The following CADM2 variants were observed in gnomAD, a reference collection of about 807,000 sequenced individuals.
CADM2 encodes immunoglobulin superfamily member 4D.
A neutral mutation model predicts 49.8 loss-of-function variants in CADM2; 12 were observed. That is an observed-to-expected ratio of 0.24 (90% CI 0.15 to 0.39). CADM2 has a LOEUF of 0.39. Among genes scored for constraint, CADM2 ranks in the 10% least tolerant of loss-of-function variants. The pLI is 1.00. For synonymous variants in CADM2, 214 were observed against 175.4 expected (o/e 1.22, Z -1.74); for missense variants, 378 against 492.3 (o/e 0.77, Z 2.20).
At chr3:85,052,436 G>C (rs566467149) in intron 1 of CADM2, among the ~76,000 whole-genome samples, 116 of 152,134 alleles carry the variant, frequency 7.6e-4, no homozygotes, top group South Asian at 6.4e-3. Context: ...CTGTTTGCTT[G>C]ACAAAATTAA....
intron 1 of CADM2, among the ~76,000 whole-genome samples, chr3:85,537,110 T>C (rs1483455112): frequency 1.3e-5 from 2 of 152,076 alleles, no homozygotes; most frequent in Non-Finnish European, 2.9e-5. Flanking sequence ...TCTTGAATCA[T>C]TATTTAACAC....
At chr3:85,948,792 G>A (rs563354130) in intron 7 of CADM2, among the ~76,000 whole-genome samples, 7 of 151,560 alleles carry the variant, frequency 4.6e-5, no homozygotes, top group East Asian at 1.9e-4. Context: ...GAACATTTAC[G>A]AAAACCTCCA....
chr3:85,085,931 GCA>G (rs1364115315), intron 1 of CADM2, among the ~76,000 whole-genome samples: 1 of 152,090 alleles, frequency 6.6e-6, no homozygotes, highest in African/African-American at 2.4e-5. Context: ...ATCAGGGTGA[GCA>G]CAGTGATTGC....
chr3:85,190,102 T>C (rs2041172707), intron 1 of CADM2, among the ~76,000 whole-genome samples: 1 of 151,990 alleles, frequency 6.6e-6, no homozygotes, highest in Non-Finnish European at 1.5e-5. Flanking sequence ...TGAAATCTGT[T>C]ATTTTGACAT....
At chr3:85,112,416 A>G (rs560446379) in intron 1 of CADM2, among the ~76,000 whole-genome samples, 1 of 151,610 alleles carries the variant, frequency 6.6e-6, no homozygotes, top group South Asian at 2.1e-4. Context: ...ACGTATAAGT[A>G]AACTTTATGA....
At chr3:85,998,462 G>A (rs1362605423) in intron 8 of CADM2, among the ~76,000 whole-genome samples, 5 of 151,968 alleles carry the variant, frequency 3.3e-5, no homozygotes, top group Non-Finnish European at 7.4e-5. Flanking sequence ...AAAAAGGAGA[G>A]GACAGCAAAA....
intron 1 of CADM2, among the ~76,000 whole-genome samples, chr3:85,609,434 T>G (rs2063620804): frequency 6.6e-6 from 1 of 152,110 alleles, no homozygotes; most frequent in South Asian, 2.1e-4. Context: ...CTTGGTGTTT[T>G]GGGGTAAATT....
chr3:85,944,428 G>C (rs1722374679), intron 7 of CADM2, among the ~76,000 whole-genome samples: 1 of 151,992 alleles, frequency 6.6e-6, no homozygotes, highest in Non-Finnish European at 1.5e-5. Flanking sequence ...AGACCTAATA[G>C]AAATCTACAG....
chr3:85,572,449 TAGAGACAGAG>T (rs1011328065), intron 1 of CADM2, among the ~76,000 whole-genome samples: 3 of 151,892 alleles, frequency 2.0e-5, no homozygotes, highest in African/African-American at 7.3e-5. Context: ...ATAAGATGAG[TAGAGACAGAG>T]AGAGACAGAG....
chr3:85,186,400 C>A (rs1217525168), intron 1 of CADM2, among the ~76,000 whole-genome samples: 1 of 152,094 alleles, frequency 6.6e-6, no homozygotes, highest in African/African-American at 2.4e-5. Flanking sequence ...ATGACACAAG[C>A]AGGCTTTTTC....
chr3:85,644,413 A>T (rs72913169), intron 1 of CADM2, among the ~76,000 whole-genome samples: 1 of 152,098 alleles, frequency 6.6e-6, no homozygotes, highest in Admixed American at 6.5e-5. Flanking sequence ...GCTTCAGCAT[A>T]TGAATAGTGG....
At chr3:85,057,062 T>A (rs766643380) in intron 1 of CADM2, among the ~76,000 whole-genome samples, 2 of 152,144 alleles carry the variant, frequency 1.3e-5, no homozygotes, top group Non-Finnish European at 2.9e-5. Context: ...ATCTCTCGAA[T>A]TCATTGTTGG....
At chr3:85,828,177 T>G (rs1360675196) in intron 3 of CADM2, 4 of 151,956 alleles carry the variant, frequency 2.6e-5, no homozygotes, top group African/African-American at 9.7e-5. Flanking sequence ...CCAAGCTTCT[T>G]GTAGGTTTGG....
At chr3:85,362,052 GC>G (rs1172670296) in intron 1 of CADM2, among the ~76,000 whole-genome samples, 1 of 152,304 alleles carries the variant, frequency 6.6e-6, no homozygotes, top group East Asian at 1.9e-4. Flanking sequence ...GGTAGCATCA[GC>G]CTTGGGAATG....
chr3:85,189,222 C>A (rs1392746293), intron 1 of CADM2, among the ~76,000 whole-genome samples: 1 of 152,054 alleles, frequency 6.6e-6, no homozygotes, highest in African/African-American at 2.4e-5. Context: ...GGATATATTT[C>A]ATGCTTTTGA....
chr3:85,428,997 C>T (rs1436100080), intron 1 of CADM2, among the ~76,000 whole-genome samples: 1 of 151,754 alleles, frequency 6.6e-6, no homozygotes, highest in African/African-American at 2.4e-5. Flanking sequence ...GAAAAATATT[C>T]CTTTGGCTCA....
intron 1 of CADM2, among the ~76,000 whole-genome samples, chr3:85,468,907 C>T (rs1457429067): frequency 6.6e-6 from 1 of 152,142 alleles, no homozygotes; most frequent in Non-Finnish European, 1.5e-5. Flanking sequence ...TCAGAGTTGT[C>T]CTATCCAGGG....
At chr3:85,728,437 A>C (rs1039192133) in intron 2 of CADM2, among the ~76,000 whole-genome samples, 2 of 152,198 alleles carry the variant, frequency 1.3e-5, no homozygotes, top group African/African-American at 4.8e-5. Context: ...TTTTATTTCT[A>C]ACCATTGCTG....
intron 1 of CADM2, among the ~76,000 whole-genome samples, chr3:85,639,546 C>A (rs866013333): frequency 6.6e-6 from 1 of 152,048 alleles, no homozygotes; most frequent in Non-Finnish European, 1.5e-5. Context: ...CTGTTTTTTT[C>A]ATGGTACCCG....
Sources: gnomAD v4.1 joint callset for allele counts (sites outside exome capture counted in the v4.1 genomes callset) on GRCh38, gnomAD v4.1.1 for gene constraint, MANE v1.5 for transcripts, NCBI Gene and HGNC (gene_info 2026-07-23, HGNC 2026-07-21) for gene names.